The following GRIK1 variants were observed in gnomAD, a reference collection of about 807,000 sequenced individuals.
GRIK1 encodes glutamate receptor ionotropic, kainate 1.
In GRIK1, 69 loss-of-function variants were observed where a neutral mutation model predicts 105.7. That is an observed-to-expected ratio of 0.65 (90% confidence interval 0.54 to 0.80). The LOEUF (loss-of-function observed/expected upper bound fraction) is 0.80. GRIK1 is among the 30% of genes least tolerant of loss of function. GRIK1 has a pLI of 0.00. For missense variants in GRIK1, 1,109 were observed against 1,167.3 expected (o/e 0.95, Z 0.73); for synonymous variants, 438 against 431.3 (o/e 1.02, Z -0.19).
chr21:29,867,906 GAA>G (rs372553666), intron 1 of GRIK1, among the ~76,000 whole-genome samples: 15,822 of 133,988 alleles, frequency 0.12, 1,158 homozygotes, highest in East Asian at 0.3. Flanking sequence ...GAGAGAGAAA[GAA>G]AGAGAGAGAA....
intron 1 of GRIK1, among the ~76,000 whole-genome samples, chr21:29,822,185 A>C (rs547368102): frequency 6.6e-6 from 1 of 152,034 alleles, no homozygotes; most frequent in Non-Finnish European, 1.5e-5. Flanking sequence ...TACAGTCACT[A>C]ATGCAACCAT....
At chr21:29,927,000 T>C (rs1215086765) in intron 1 of GRIK1, among the ~76,000 whole-genome samples, 1 of 152,130 alleles carries the variant, frequency 6.6e-6, no homozygotes, top group Non-Finnish European at 1.5e-5. Context: ...AGAGGAATAT[T>C]CTCATGAGAA....
chr21:29,861,577 G>GAACCAAC, intron 1 of GRIK1: 1 of 184,686 alleles, frequency 5.4e-6, no homozygotes, highest in South Asian at 5.1e-5. Context: ...CAAAGTGTGG[G>GAACCAAC]ATTATAGGTG....
chr21:29,784,077 A>T (rs1282811970), intron 1 of GRIK1, among the ~76,000 whole-genome samples: 1 of 152,038 alleles, frequency 6.6e-6, no homozygotes, highest in African/African-American at 2.4e-5. Context: ...GGACTACAGG[A>T]CTGTTGTTTT....
intron 14 of GRIK1, among the ~76,000 whole-genome samples, chr21:29,573,458 G>A (rs1955640384): frequency 6.6e-6 from 1 of 152,170 alleles, no homozygotes; most frequent in South Asian, 2.1e-4. Context: ...GAGCTTAAGG[G>A]GCTGGGCGCA....
intron 1 of GRIK1, among the ~76,000 whole-genome samples, chr21:29,845,732 G>A (rs2068093863): frequency 6.6e-6 from 1 of 150,926 alleles, no homozygotes; most frequent in Admixed American, 6.6e-5. Flanking sequence ...TAAATTTCCT[G>A]GCACTATCTA....
intron 1 of GRIK1, among the ~76,000 whole-genome samples, chr21:29,819,684 C>T (rs1280198503): frequency 6.6e-6 from 1 of 151,930 alleles, no homozygotes; most frequent in African/African-American, 2.4e-5. Context: ...CCTCCTCCCC[C>T]AGAGAAAATC....
At position 29,642,936 on chromosome 21, in the gene GRIK1, T is replaced by A. The variant is rs756472503; in HGVS notation, c.988A>T (p.Met330Leu). The A allele has an allele frequency of 1.2e-6, 2 of 1,614,102 alleles. No individual in the cohort carries two copies. The highest frequency in any genetic ancestry group is 2.7e-5 in the African/African-American group (2 of 75,044). ...EAALMYDAVYMVAIASHRASQ... is the reference protein window; with the variant it reads ...EAALMYDAVYLVAIASHRASQ... ...GCCCGGTGCGAGGCAATGGCCACCA[T>A]GTACACAGCATCGTACATCAGAGCC... Residue 330 changes from methionine to leucine, a missense_variant, in exon 7 of 18, where the codon ATG (methionine) becomes TTG (leucine). This residue lies in a region of GRIK1 where 612 missense variants were observed against 586.0 expected (regional missense o/e 1.04). Transcript: ENST00000327783.
At chr21:29,659,202 T>G (rs924255832) in intron 4 of GRIK1, among the ~76,000 whole-genome samples, 1 of 152,214 alleles carries the variant, frequency 6.6e-6, no homozygotes, top group African/African-American at 2.4e-5. Context: ...GCTCCAATTC[T>G]TTATAGAATA....
chr21:29,689,133 C>G (rs2063537497), intron 3 of GRIK1, among the ~76,000 whole-genome samples: 1 of 151,420 alleles, frequency 6.6e-6, no homozygotes, highest in Admixed American at 6.6e-5. Context: ...AAAGAAAGTT[C>G]AAATGGGGGC....
chr21:29,882,574 A>C (rs2069458980), intron 1 of GRIK1, among the ~76,000 whole-genome samples: 1 of 152,108 alleles, frequency 6.6e-6, no homozygotes. Context: ...GCAGCTCATG[A>C]TGGGGAAGAA....
intron 12 of GRIK1, chr21:29,582,401 G>T (rs1816976246): frequency 2.2e-6 from 1 of 456,250 alleles, no homozygotes; most frequent in East Asian, 7.1e-5. Context: ...CTGCAAGGTG[G>T]TGCGCTATGG....
At position 29,671,844 on chromosome 21, in the gene GRIK1, C is replaced by T. The variant is rs530459752; in HGVS notation, c.726+1139G>A. ...TTTCTCCCAAATTCAATCATCTGAT[C>T]TTTTATTAATGCTTCTATTTTAAAC... On this transcript the variant is annotated intron_variant, in intron 4 of 17. Transcript: ENST00000327783. Among the ~76,000 whole-genome samples the T allele has an allele frequency of 4.6e-5, 7 of 152,136 alleles. No homozygotes were observed. The South Asian group carries it at 1.5e-3, about 32-fold the overall frequency.
chr21:29,899,485 T>C (rs540670160), intron 1 of GRIK1, among the ~76,000 whole-genome samples: 77 of 152,294 alleles, frequency 5.1e-4, no homozygotes, highest in African/African-American at 1.8e-3. Context: ...CAGTCTCTTG[T>C]CATAGTCATG....
chr21:29,581,460 CTATT>C lies in GRIK1; in HGVS notation c.1873_1876del (p.Asn625ValfsTer16). 6.2e-7 allele frequency: 1 copy of C among 1,613,000 alleles called. No homozygotes were observed. The highest frequency in any genetic ancestry group is 8.5e-7 in the Non-Finnish European group (1 of 1,179,166). ...GAGAGCTCCAACTCCAAACCAGAAA[CTATT>C]TAGTAAAGTAAAATTGTTTTCCACC... On this transcript the variant is annotated frameshift_variant, in exon 13 of 18. Coordinates refer to ENST00000327783, the MANE Select transcript of GRIK1 (RefSeq NM_001330994.2). LOFTEE classifies it high-confidence loss of function.
At position 29,690,092 on chromosome 21, in the gene GRIK1, A is replaced by G. The variant is rs1464046549; in HGVS notation, c.287-107T>C. The G allele has an allele frequency of 4.6e-6, 4 of 864,188 alleles. No individual in the cohort carries two copies. The African/African-American group carries it at 6.8e-5, about 15-fold the overall frequency. The allele number at this position is 864,188 out of a possible 1,614,324, so 53.5% of individuals were successfully genotyped here. Reference sequence around the variant, plus strand: ...TTTTCTTTCATGATTCCTCTTTTTAATGCAACTATTGAAAAATCTTTTACA... The same window carrying G: ...TTTTCTTTCATGATTCCTCTTTTTAGTGCAACTATTGAAAAATCTTTTACA... On this transcript the variant is annotated intron_variant, in intron 2 of 17. Transcript: ENST00000327783.
rs1440047302 is a variant in GRIK1 at position 29,651,265 on chromosome 21, G to C, written c.807C>G (p.Leu269=). Residue 269 remains leucine (L), a synonymous_variant, in exon 6 of 18, where the codon CTC becomes CTG. Coordinates refer to ENST00000327783, the MANE Select transcript of GRIK1 (RefSeq NM_001330994.2). ...TCATGTTTACGCCACTGTACCTATA[G>C]AGTTCCAGATCCAAAGCAAATAAGT... ...TLDLFALDLE[L]YRYSGVNMTG... 6.2e-7 allele frequency: 1 copy of C among 1,613,086 alleles called. No individual in the cohort carries two copies. The highest frequency in any genetic ancestry group is 1.7e-5 in the Admixed American group (1 of 59,926).
rs1555851209 is a variant in GRIK1 at position 29,620,808 on chromosome 21, T to TATATAG, written c.1099-21872_1099-21871insCTATAT. Reference sequence around the variant, plus strand: ...ATATATATATCTATATATATATAGATATATATATATAGTAATAATATATTA... The same window carrying TATATAG: ...ATATATATATCTATATATATATAGATATATAGATATATATATAGTAATAATATATTA... On this transcript the variant is annotated intron_variant, in intron 7 of 17. Coordinates refer to ENST00000327783, the MANE Select transcript of GRIK1 (RefSeq NM_001330994.2). Among the ~76,000 whole-genome samples, 266 of 122,526 alleles carry TATATAG rather than the reference T, an allele frequency of 2.2e-3. 1 individual carries two copies. Among genetic ancestry groups the TATATAG allele is most frequent in the African/African-American group, 3.1e-3 (85 of 27,836 alleles). The allele number at this position is 122,526 out of a possible 152,430, so 80.4% of individuals were successfully genotyped here.
At chr21:29,812,655 G>A (rs1472349998) in intron 1 of GRIK1, among the ~76,000 whole-genome samples, 1 of 152,068 alleles carries the variant, frequency 6.6e-6, no homozygotes, top group African/African-American at 2.4e-5. Context: ...ATAACAACTA[G>A]CATCAAGCAT....
Sources: gnomAD v4.1 joint callset for allele counts (sites outside exome capture counted in the v4.1 genomes callset) on GRCh38, gnomAD v4.1.1 for gene constraint, gnomAD v4.1.1 regional missense constraint, MANE v1.5 for transcripts, NCBI Gene and HGNC (gene_info 2026-07-23, HGNC 2026-07-21) for gene names.